Variants in FGFR1 observed in about 807,000 individuals in gnomAD.
FGFR1 encodes the protein fibroblast growth factor receptor 1, also known as FGFR1/PLAG1 fusion.
A neutral mutation model predicts 93.7 loss-of-function variants in FGFR1; 18 were observed. The observed-to-expected ratio is 0.19, with a 90% CI of 0.13 to 0.28. The LOEUF (loss-of-function observed/expected upper bound fraction) is 0.28, where lower values mean the gene tolerates loss of function less well. Among genes scored for constraint, FGFR1 ranks in the 10% least tolerant of loss-of-function variants. The probability of loss-of-function intolerance (pLI) is 1.00; values close to 1 mark genes in which losing one functional copy is unlikely to be tolerated. For synonymous variants in FGFR1, 448 were observed against 429.3 expected, an observed-to-expected ratio of 1.04 and a Z score of -0.54; for missense variants, 731 against 1,080.4, an observed-to-expected ratio of 0.68 and a Z score of 4.53.
rs150601426 is a variant in FGFR1, at chr8:38,423,573, G to A, written c.936+936C>T. 4.0e-3 allele frequency: 805 copies of A among 201,070 alleles called. 7 individuals carry two copies. The highest frequency in any genetic ancestry group is 0.018 in the African/African-American group (754 of 41,574). 12.5% of individuals were successfully genotyped at this position (201,070 alleles called of 1,614,324 possible). A position where few individuals can be genotyped will look rare whatever the true frequency, so the allele number is the denominator to read the frequency against. On this transcript the variant is annotated intron_variant, in intron 7 of 17. Transcript: ENST00000447712. ...CTGACCTCAAGTGATCTAAAGTGCT[G>A]GGATTACAGGCGTGAGCCACTGCGC... is the stretch of plus-strand genomic sequence containing the variant.
intron 2 of FGFR1, among the ~76,000 whole-genome samples, chr8:38,450,078 G>C (rs1830561497): frequency 6.6e-6 from 1 of 152,228 alleles, no homozygotes; most frequent in African/African-American, 2.4e-5. Flanking sequence ...GACTCCAGCA[G>C]GCTTCTCCTA....
chr8:38,432,557 C>T (rs1383623075), intron 2 of FGFR1, among the ~76,000 whole-genome samples: 2 of 152,006 alleles, frequency 1.3e-5, no homozygotes, highest in African/African-American at 4.8e-5. Flanking sequence ...GGATTACAGG[C>T]ATGCGCCACC....
chr8:38,419,416 G>A (rs1228571305), intron 9 of FGFR1, 117 bp downstream of exon 9: 25 of 939,530 alleles, frequency 2.7e-5, no homozygotes, highest in Non-Finnish European at 4.1e-5. Flanking sequence ...ACTGTGCCTT[G>A]CCCAGAAGCC....
rs1017346902 is a variant in FGFR1, at chr8:38,450,896, G to T, written c.91+6460C>A. Among the ~76,000 whole-genome samples, 4 of 152,122 alleles carry T rather than the reference G, an allele frequency of 2.6e-5. No homozygotes were observed. In the East Asian group the frequency reaches 5.8e-4, roughly 22 times the overall value. ...GCTTTGCTGCGCTTGCCCCAGCTTG[G>T]TCAAGAGGGCCACGTGAGCGTCCTC... On this transcript the variant is annotated intron_variant, in intron 2 of 17. Transcript: ENST00000447712.
chr8:38,446,068 G>A lies in FGFR1; in HGVS notation c.91+11288C>T, dbSNP rs184260556. 6.6e-5 allele frequency among the ~76,000 whole-genome samples: 10 copies of A among 152,242 alleles called. No individual in the cohort carries two copies. The East Asian group carries it at 1.7e-3, about 26-fold the overall frequency. ...ATTCTAAAGGCAGTGATAATTGACT[G>A]AAAGCTGTGGCAGAGCAGGAGAGCA... On this transcript the variant is annotated intron_variant, in intron 2 of 17. Transcript: ENST00000447712.
chr8:38,441,017 C>T (rs1310243214), intron 2 of FGFR1, among the ~76,000 whole-genome samples: 1 of 152,128 alleles, frequency 6.6e-6, no homozygotes, highest in Non-Finnish European at 1.5e-5. Context: ...AGTGCCGAGC[C>T]GCCTGCACTA....
intron 1 of FGFR1, among the ~76,000 whole-genome samples, chr8:38,459,756 G>A (rs564236041): frequency 1.3e-5 from 2 of 152,236 alleles, no homozygotes; most frequent in Admixed American, 1.3e-4. Flanking sequence ...AGGGTGGGAG[G>A]AAGTAAATAA....
At chr8:38,420,537 G>C (rs1422413623) in intron 8 of FGFR1, among the ~76,000 whole-genome samples, 1 of 152,120 alleles carries the variant, frequency 6.6e-6, no homozygotes, top group Non-Finnish European at 1.5e-5. Flanking sequence ...CCCACCTTCT[G>C]ATTAGGACTC....
rs1820220517 is a variant in FGFR1, at chr8:38,424,991, C to T, written c.746-292G>A. ...TCAGTTGCACCCCCAGACCTCAGCA[C>T]AACCTGCTCCTCCTTAAAAAACCAG... On this transcript the variant is annotated intron_variant, in intron 6 of 17. Coordinates refer to ENST00000447712, the MANE Select transcript of FGFR1 (RefSeq NM_023110.3). The surrounding 1 kb of genome is among the most constrained non-coding windows in gnomAD (Gnocchi z 4.3). Among the ~76,000 whole-genome samples the T allele has an allele frequency of 6.6e-6, 1 of 152,204 alleles. No individual in the cohort carries two copies. The highest frequency in any genetic ancestry group is 2.4e-5 in the African/African-American group (1 of 41,440).
At chr8:38,466,615 C>T (rs1835570867) in intron 1 of FGFR1, 2 of 229,698 alleles carry the variant, frequency 8.7e-6, no homozygotes, top group African/African-American at 4.4e-5. Flanking sequence ...TCCCCCGAAT[C>T]TCAACGCCGC....
intron 2 of FGFR1, among the ~76,000 whole-genome samples, chr8:38,437,188 G>C (rs931393538): frequency 6.6e-6 from 1 of 152,144 alleles, no homozygotes; most frequent in African/African-American, 2.4e-5. Context: ...GGAACCATCA[G>C]AGACCCAAAC....
At chr8:38,427,541 A>T (rs981857418) in intron 5 of FGFR1, among the ~76,000 whole-genome samples, 2 of 152,136 alleles carry the variant, frequency 1.3e-5, no homozygotes, top group Non-Finnish European at 2.9e-5. Context: ...CGGCCTCCCA[A>T]AGTGATAGGA....
chr8:38,425,148 T>C (rs1384220306), intron 6 of FGFR1, among the ~76,000 whole-genome samples: 1 of 150,934 alleles, frequency 6.6e-6, no homozygotes, highest in East Asian at 1.9e-4. Flanking sequence ...TTTTTACCTT[T>C]TTTTTTTTTA....
Position 38,424,244 on chromosome 8 carries a change from C to G in FGFR1, c.936+265G>C, listed in dbSNP as rs1819893284. ...TCCTTGTGTAGCTGACCCCAAAGCCCCAGTGACGTTGCTCTCAAAGCTTAT... is the reference window on the plus strand; with the variant it reads ...TCCTTGTGTAGCTGACCCCAAAGCCGCAGTGACGTTGCTCTCAAAGCTTAT... On this transcript the variant is annotated intron_variant, in intron 7 of 17. Transcript: ENST00000447712. The surrounding 1 kb of genome is among the most constrained non-coding windows in gnomAD (Gnocchi z 4.3). 1 of 625,288 alleles carries G rather than the reference C, an allele frequency of 1.6e-6. No homozygotes were observed. Among genetic ancestry groups the G allele is most frequent in the Admixed American group, 2.3e-5 (1 of 43,876 alleles). 38.7% of individuals were successfully genotyped at this position (625,288 alleles called of 1,614,324 possible).
chr8:38,449,723 A>C (rs1830463534), intron 2 of FGFR1, among the ~76,000 whole-genome samples: 2 of 152,322 alleles, frequency 1.3e-5, no homozygotes, highest in South Asian at 4.1e-4. Context: ...GAACGAGGAG[A>C]GGGCGTGGAG....
At chr8:38,434,476 C>A in intron 2 of FGFR1, 1 of 402,858 alleles carries the variant, frequency 2.5e-6, no homozygotes, top group South Asian at 2.7e-5. Context: ...CTGTGCAAGT[C>A]AGTGGGTAGC....
At position 38,413,301 on chromosome 8, in the gene FGFR1, T is replaced by C. The variant is rs548788061; in HGVS notation, c.*327A>G. 6 of 437,492 alleles carry C rather than the reference T, an allele frequency of 1.4e-5. No individual in the cohort carries two copies. The East Asian group carries it at 2.3e-4, about 17-fold the overall frequency. The allele number at this position is 437,492 out of a possible 1,614,324, so 27.1% of individuals were successfully genotyped here. A position where few individuals can be genotyped will look rare whatever the true frequency, so the allele number is the denominator to read the frequency against. ...AGGAGAAAGCTCAGGAAGCTCTCAC[T>C]TGCATGCCTGTTCATTGGCTCCCAC... is the stretch of plus-strand genomic sequence containing the variant. On this transcript the variant is annotated 3_prime_UTR_variant, in exon 18 of 18. Transcript: ENST00000447712. This position sits in a 1 kb window ranked among gnomAD's most constrained non-coding sequence, Gnocchi z 4.2.
At chr8:38,422,332 A>G (rs1390036960) in intron 7 of FGFR1, 1 of 443,684 alleles carries the variant, frequency 2.3e-6, no homozygotes, top group East Asian at 4.0e-5. Context: ...AGACACACAC[A>G]TGCACACGCA....
chr8:38,418,614 A>AG, intron 9 of FGFR1: 1 of 570,460 alleles, frequency 1.8e-6, no homozygotes, highest in Non-Finnish European at 3.1e-6. Flanking sequence ...AAGCAGACCA[A>AG]ATGCACCTCT....
Sources: gnomAD v4.1 joint callset for allele counts (sites outside exome capture counted in the v4.1 genomes callset) on GRCh38, gnomAD v4.1.1 for gene constraint, Gnocchi (gnomAD v3.1) non-coding constraint, MANE v1.5 for transcripts, NCBI Gene and HGNC (gene_info 2026-07-23, HGNC 2026-07-21) for gene names.